The following FOXP1 variants were observed in gnomAD, a reference collection of about 807,000 sequenced individuals.
FOXP1 encodes forkhead box P1, also known as forkhead box protein P1.
In FOXP1, 15 loss-of-function variants were observed where a neutral mutation model predicts 98.2. That is an observed-to-expected ratio of 0.15 (90% CI 0.10 to 0.24). FOXP1 has a LOEUF of 0.24. Ranked by LOEUF, FOXP1 falls within the 10% of genes least tolerant of loss-of-function variation. The pLI is 1.00. For missense variants in FOXP1, 633 were observed against 848.5 expected (o/e 0.75, Z 3.15); for synonymous variants, 371 against 314.5 (o/e 1.18, Z -1.90).
At chr3:71,240,753 G>C (rs2067202923) in intron 5 of FOXP1, among the ~76,000 whole-genome samples, 3 of 151,106 alleles carry the variant, frequency 2.0e-5, no homozygotes, top group African/African-American at 7.3e-5. Flanking sequence ...CACCATGTTA[G>C]CCAGGATGGT....
chr3:71,544,378 GAAAA>G, intron 2 of FOXP1, among the ~76,000 whole-genome samples: 1 of 120,742 alleles, frequency 8.3e-6, no homozygotes, highest in Non-Finnish European at 1.8e-5. Context: ...TAAAGAAATG[GAAAA>G]AAAAAAAAAG....
chr3:71,044,786 AT>A (rs2048804367), intron 10 of FOXP1, among the ~76,000 whole-genome samples: 2 of 152,200 alleles, frequency 1.3e-5, no homozygotes, highest in Admixed American at 1.3e-4. Context: ...CAGATGACAG[AT>A]TACTGTTCAT....
chr3:71,516,101 C>G (rs1385435471), intron 2 of FOXP1, among the ~76,000 whole-genome samples: 2 of 152,180 alleles, frequency 1.3e-5, no homozygotes, highest in African/African-American at 2.4e-5. Context: ...CAGAAGAGAT[C>G]AGAGACACTG....
At chr3:70,980,818 C>T (rs536619258) in intron 14 of FOXP1, among the ~76,000 whole-genome samples, 159 of 152,292 alleles carry the variant, frequency 1.0e-3, no homozygotes, top group Non-Finnish European at 1.7e-3. Context: ...CAAACACATA[C>T]GTCAGTCAAA....
intron 5 of FOXP1, among the ~76,000 whole-genome samples, chr3:71,248,471 G>A (rs11713731): frequency 0.11 from 16,305 of 152,052 alleles, 965 homozygotes; most frequent in South Asian, 0.24. Flanking sequence ...GGCCAGGCAC[G>A]GTGGCTCACG....
chr3:71,483,665 C>A (rs1238428221), intron 3 of FOXP1, among the ~76,000 whole-genome samples: 1 of 152,078 alleles, frequency 6.6e-6, no homozygotes, highest in East Asian at 1.9e-4. Flanking sequence ...TTAGAGGGGA[C>A]AAAGGTAAAT....
chr3:71,522,138 A>C (rs2043040513), intron 2 of FOXP1, among the ~76,000 whole-genome samples: 1 of 152,206 alleles, frequency 6.6e-6, no homozygotes, highest in South Asian at 2.1e-4. Context: ...TGGGCCTGCC[A>C]AGAGTTCCGA....
chr3:71,080,604 T>C (rs1441050263), intron 7 of FOXP1, among the ~76,000 whole-genome samples: 1 of 152,246 alleles, frequency 6.6e-6, no homozygotes, highest in Non-Finnish European at 1.5e-5. Context: ...ATAAACATCT[T>C]ATTTCTATTC....
chr3:71,064,028 G>A (rs1476732392), intron 7 of FOXP1, among the ~76,000 whole-genome samples: 1 of 152,092 alleles, frequency 6.6e-6, no homozygotes, highest in Non-Finnish European at 1.5e-5. Flanking sequence ...CGGTTCAGCT[G>A]GGAGTACCCC....
At chr3:71,156,536 G>C (rs1012328178) in intron 6 of FOXP1, among the ~76,000 whole-genome samples, 1 of 152,202 alleles carries the variant, frequency 6.6e-6, no homozygotes, top group African/African-American at 2.4e-5. Flanking sequence ...CAAAGAGAAA[G>C]GTATTTTGCA....
chr3:71,566,957 C>T (rs964915898), intron 2 of FOXP1, among the ~76,000 whole-genome samples: 7 of 152,112 alleles, frequency 4.6e-5, no homozygotes, highest in African/African-American at 1.7e-4. Flanking sequence ...CTCTCCCTCA[C>T]CTCACAAAGC....
chr3:71,086,702 A>G (rs2055137347), intron 7 of FOXP1, among the ~76,000 whole-genome samples: 1 of 152,190 alleles, frequency 6.6e-6, no homozygotes, highest in South Asian at 2.1e-4. Context: ...ATCATCAGCG[A>G]CATTTAACAT....
intron 7 of FOXP1, among the ~76,000 whole-genome samples, chr3:71,081,563 T>C (rs2054420184): frequency 6.6e-6 from 1 of 152,102 alleles, no homozygotes; most frequent in South Asian, 2.1e-4. Context: ...ACAAGGAAGA[T>C]ACATGAGGAA....
chr3:71,348,592 A>G (rs1436998272), intron 4 of FOXP1, among the ~76,000 whole-genome samples: 4 of 151,238 alleles, frequency 2.6e-5, no homozygotes, highest in Non-Finnish European at 5.9e-5. Flanking sequence ...TAAGTCACAC[A>G]TGCAGGTGTG....
chr3:71,512,530 T>G lies in FOXP1; in HGVS notation c.-297-18975A>C, dbSNP rs372813849. On this transcript the variant is annotated intron_variant, in intron 2 of 20. Coordinates refer to ENST00000649528, the MANE Select transcript of FOXP1 (RefSeq NM_001349338.3). ...CTATTTTTCCCCCATCACAACACAC[T>G]TAAGTAGTACATATTTAAGACAGAA... 5.3e-5 allele frequency among the ~76,000 whole-genome samples: 8 copies of G among 152,324 alleles called. No homozygotes were observed. The East Asian group carries it at 1.2e-3, about 22-fold the overall frequency.
At chr3:70,977,420 G>A (rs777489499) in intron 16 of FOXP1, among the ~76,000 whole-genome samples, 7 of 152,126 alleles carry the variant, frequency 4.6e-5, no homozygotes, top group African/African-American at 7.2e-5. Flanking sequence ...TCTTTAAACA[G>A]GCTCATTTTC....
At chr3:71,148,124 C>T (rs2060399256) in intron 6 of FOXP1, among the ~76,000 whole-genome samples, 1 of 152,190 alleles carries the variant, frequency 6.6e-6, no homozygotes, top group Non-Finnish European at 1.5e-5. Flanking sequence ...CGCCTGTAAT[C>T]CCAGCACTTT....
chr3:71,498,311 A>G (rs568700129), intron 2 of FOXP1, among the ~76,000 whole-genome samples: 4 of 152,326 alleles, frequency 2.6e-5, no homozygotes, highest in African/African-American at 9.6e-5. Context: ...CCTGCTCAGT[A>G]CAAAAGTCTG....
intron 6 of FOXP1, among the ~76,000 whole-genome samples, chr3:71,117,230 G>A (rs2058438659): frequency 6.6e-6 from 1 of 151,810 alleles, no homozygotes; most frequent in Non-Finnish European, 1.5e-5. Context: ...TGGGACTACA[G>A]GCATGAGCCA....
Sources: gnomAD v4.1 joint callset for allele counts (sites outside exome capture counted in the v4.1 genomes callset) on GRCh38, gnomAD v4.1.1 for gene constraint, MANE v1.5 for transcripts, NCBI Gene and HGNC (gene_info 2026-07-23, HGNC 2026-07-21) for gene names.